The following FAM136A variants were observed in gnomAD, a reference collection of about 807,000 sequenced individuals.
FAM136A encodes TIM double twin CX3C motif chaperone.
A neutral mutation model predicts 21.6 loss-of-function variants in FAM136A; 25 were observed. The observed-to-expected ratio is 1.16, with a 90% CI of 0.84 to 1.62. The LOEUF is 1.62. Ranked by LOEUF, FAM136A falls within the 40% of genes most tolerant of loss-of-function variation. The pLI, the probability that FAM136A is intolerant of heterozygous loss-of-function variation, is 0.00. For synonymous variants in FAM136A, 119 were observed against 129.4 expected (o/e 0.92, Z 0.55); for missense variants, 338 against 332.0 (o/e 1.02, Z -0.14).
At chr2:70,301,321 G>A (rs1697391073) in intron 1 of FAM136A, 4 of 1,430,594 alleles carry the variant, frequency 2.8e-6, no homozygotes, top group Admixed American at 2.3e-5. Flanking sequence ...GGGTTCAGAG[G>A]TCAGCAACCT....
At chr2:70,301,518 T>G (rs1697397917) in intron 1 of FAM136A, 86 bp downstream of exon 1, 1 of 1,535,876 alleles carries the variant, frequency 6.5e-7, no homozygotes, top group Non-Finnish European at 8.7e-7. Flanking sequence ...GAAGCAGGCA[T>G]GACCTGGCCA....
At chr2:70,297,621 GTTTTTTTTTTTTTT>G (rs55803921) in intron 2 of FAM136A, 144 bp from the exon 3 acceptor site, 1 of 249,590 alleles carries the variant, frequency 4.0e-6, no homozygotes. Flanking sequence ...GATTGGCCAA[GTTTTTTTTTTTTTT>G]TTTTTTTTTG....
chr2:70,301,950 T>C lies in FAM136A; in HGVS notation c.62A>G (p.Glu21Gly). The change falls in exon 1 of 3, where the codon GAA becomes GGA. Residue 21 changes from glutamate to glycine, a missense_variant. Physicochemically the swap from Glu to Gly is moderately conservative, Grantham distance 98 (BLOSUM62 -2). Coordinates refer to ENST00000430566, the MANE Select transcript of FAM136A (RefSeq NM_001329752.2). The part of the protein sequence containing the change: ...EAVESMVKSL[E>G]RENIRKMQVA... ...CTGCATCTTCCGGATGTTCTCTCTTTCCAGACTCTTCACCATGGACTCCAC... is the reference window on the plus strand; with the variant it reads ...CTGCATCTTCCGGATGTTCTCTCTTCCCAGACTCTTCACCATGGACTCCAC... 1 of 1,609,194 alleles carries C rather than the reference T, an allele frequency of 6.2e-7. No individual in the cohort carries two copies. Among genetic ancestry groups the C allele is most frequent in the Non-Finnish European group, 8.5e-7 (1 of 1,178,884 alleles).
At chr2:70,301,526 C>T (rs1284201814) in intron 1 of FAM136A, 78 bp downstream of exon 1, 1 of 1,536,012 alleles carries the variant, frequency 6.5e-7, no homozygotes, top group East Asian at 2.4e-5. Context: ...CATGACCTGG[C>T]CAACGGGGAG....
Position 70,301,872 on chromosome 2 carries a change from C to T in FAM136A, c.140G>A (p.Gly47Asp), listed in dbSNP as rs1209963800. 6 of 1,563,126 alleles carry T rather than the reference C, an allele frequency of 3.8e-6. No individual in the cohort carries two copies. The highest frequency in any genetic ancestry group is 5.2e-6 in the Non-Finnish European group (6 of 1,154,130). Reference protein sequence around the residue: ...QDPLLSGWVPGPSLSHHATPC... With the variant: ...QDPLLSGWVPDPSLSHHATPC... ...CGTCGCGTGGTGGCTGAGGGAAGGG[C>T]CCGGAACCCACCCGCTGAGAAGGGG... The change falls in exon 1 of 3, where the codon GGC becomes GAC. Residue 47 changes from glycine to aspartate, a missense_variant. Physicochemically the swap from Gly to Asp is moderately conservative, Grantham distance 94. Coordinates refer to ENST00000430566, the MANE Select transcript of FAM136A (RefSeq NM_001329752.2).
chr2:70,301,303 C>T, intron 1 of FAM136A: 1 of 1,363,556 alleles, frequency 7.3e-7, no homozygotes, highest in Non-Finnish European at 9.7e-7. Context: ...CCAGGAGCCT[C>T]TTCCATGGGG....
intron 2 of FAM136A, among the ~76,000 whole-genome samples, chr2:70,298,178 C>T (rs1185851687): frequency 6.6e-6 from 1 of 152,042 alleles, no homozygotes; most frequent in East Asian, 1.9e-4. Context: ...CCACAACCTC[C>T]ACCTCCCGGG....
chr2:70,301,482 T>G lies in FAM136A; in HGVS notation c.408+122A>C, dbSNP rs746697815. 1.2e-5 allele frequency: 19 copies of G among 1,535,508 alleles called. No individual in the cohort carries two copies. In the East Asian group the frequency reaches 4.4e-4, roughly 36 times the overall value. ...AGAAGAACAGTGTAGAAACCCGCGCTGTGTGAAGCGAGGTTGGGCGCAAGA... is the reference window on the plus strand; with the variant it reads ...AGAAGAACAGTGTAGAAACCCGCGCGGTGTGAAGCGAGGTTGGGCGCAAGA... On this transcript the variant is annotated intron_variant, in intron 1 of 2. Coordinates refer to ENST00000430566, the MANE Select transcript of FAM136A (RefSeq NM_001329752.2).
At chr2:70,300,218 A>G (rs879911311) in intron 2 of FAM136A, among the ~76,000 whole-genome samples, 2 of 152,172 alleles carry the variant, frequency 1.3e-5, no homozygotes, top group Admixed American at 6.5e-5. Context: ...TATACTACAC[A>G]GTATACATTC....
chr2:70,297,190 T>C lies in FAM136A; in HGVS notation c.*99A>G, dbSNP rs1188947841. The stretch of plus-strand genomic sequence containing the variant: ...GCCTTACGCTTGTGGCCATCCTTCA[T>C]TTCTTCATTCGTAAACTTTGCTTAA... On this transcript the variant is annotated 3_prime_UTR_variant, in exon 3 of 3. Transcript: ENST00000430566. The C allele has an allele frequency of 7.8e-7, 1 of 1,283,074 alleles. No homozygotes were observed. Among genetic ancestry groups the C allele is most frequent in the East Asian group, 2.5e-5 (1 of 40,196 alleles). The allele number at this position is 1,283,074 out of a possible 1,614,324, so 79.5% of individuals were successfully genotyped here.
At position 70,301,903 on chromosome 2, in the gene FAM136A, G is replaced by C. The variant is rs200517892; in HGVS notation, c.109C>G (p.Gln37Glu). The C allele has an allele frequency of 1.3e-6, 2 of 1,598,038 alleles. No individual in the cohort carries two copies. Among genetic ancestry groups the C allele is most frequent in the East Asian group, 2.3e-5 (1 of 44,216 alleles). ...ACCCACCCGCTGAGAAGGGGGTCCT[G>C]GTTCGGCCCCAGCCCCGCTACCTGC... is the stretch of plus-strand genomic sequence containing the variant. ...KMQVAGLGPN[Q>E]DPLLSGWVPG... Residue 37 changes from glutamine (Q) to glutamate (E), a missense_variant, in exon 1 of 3, where the codon CAG becomes GAG. Coordinates refer to ENST00000430566, the MANE Select transcript of FAM136A (RefSeq NM_001329752.2).
rs781058037 is a variant in FAM136A, at chr2:70,301,982, C to G, written c.30G>C (p.Gln10His). The stretch of plus-strand genomic sequence containing the variant: ...TCTTCACCATGGACTCCACCGCCTC[C>G]TGCACCCGGAGCTGCTGCAGCTCAG... MAELQQLRV[Q>H]EAVESMVKSL... Residue 10 changes from glutamine to histidine, a missense_variant, in exon 1 of 3, where the codon CAG (glutamine) becomes CAC (histidine). Physicochemically the swap from Gln to His is conservative, Grantham distance 24. Transcript: ENST00000430566. 2.5e-5 allele frequency: 40 copies of G among 1,606,532 alleles called. No individual in the cohort carries two copies. Among genetic ancestry groups the G allele is most frequent in the Non-Finnish European group, 3.3e-5 (39 of 1,177,802 alleles).
rs886795258 is a variant in FAM136A, at chr2:70,301,615, G to A, written c.397C>T (p.Pro133Ser). Residue 133 changes from proline (P) to serine (S), a missense_variant, in exon 1 of 3, where the codon CCC becomes TCC. Pro to Ser is a moderately conservative substitution (Grantham distance 74). Transcript: ENST00000430566. Reference sequence around the variant, plus strand: ...CTCGGGCCGCTCACCTGCGGAAGGGGCCGCGTAAGAGGGGAAGGTGGTGGG... The same window carrying A: ...CTCGGGCCGCTCACCTGCGGAAGGGACCGCGTAAGAGGGGAAGGTGGTGGG... ...LAPPPSPLTR[P>S]LPQGLMFRCS... 17 of 1,535,860 alleles carry A rather than the reference G, an allele frequency of 1.1e-5. 1 individual carries two copies. In the African/African-American group the frequency reaches 2.1e-4, roughly 19 times the overall value.
At position 70,297,233 on chromosome 2, in the gene FAM136A, T is replaced by A; in HGVS notation, c.*56A>T. 6.5e-7 allele frequency: 1 copy of A among 1,548,412 alleles called. No homozygotes were observed. Among genetic ancestry groups the A allele is most frequent in the Non-Finnish European group, 8.7e-7 (1 of 1,144,812 alleles). On this transcript the variant is annotated 3_prime_UTR_variant, in exon 3 of 3. Coordinates refer to ENST00000430566, the MANE Select transcript of FAM136A (RefSeq NM_001329752.2). ...TTGCTTAAAAGACTAAAATTCCCAA[T>A]TCCTTATAAAAAATATATTCTTGCC...
chr2:70,300,616 C>T (rs748111655), intron 2 of FAM136A: 6 of 406,328 alleles, frequency 1.5e-5, no homozygotes, highest in South Asian at 4.2e-5. Flanking sequence ...TGAGCCTCCG[C>T]GCTCGGCCTA....
intron 2 of FAM136A, 144 bp from the exon 3 acceptor site, chr2:70,297,621 G>GTTTTTTTTTTTTTTTTTTTTTTTTTTT (rs55803921): frequency 8.5e-6 from 2 of 234,598 alleles, no homozygotes; most frequent in Non-Finnish European, 7.4e-6. Context: ...GATTGGCCAA[G>GTTTTTTTTTTTTTTTTTTTTTTTTTTT]TTTTTTTTTT....
intron 2 of FAM136A, 162 bp downstream of exon 2, chr2:70,300,678 C>A: frequency 2.4e-6 from 2 of 819,608 alleles, no homozygotes; most frequent in Middle Eastern, 4.1e-4. Context: ...ACCGCCAAGA[C>A]TTTTTCCAAA....
chr2:70,297,385 C>T lies in FAM136A; in HGVS notation c.642G>A (p.Leu214=). The T allele has an allele frequency of 1.9e-6, 3 of 1,613,892 alleles. No homozygotes were observed. The highest frequency in any genetic ancestry group is 2.5e-6 in the Non-Finnish European group (3 of 1,179,910). Residue 214 remains leucine (L), a synonymous_variant, in exon 3 of 3, where the codon CTG becomes CTA. Transcript: ENST00000430566. ...GSKELQVKQQ[L]DSCVTKCVDD... is the part of the protein sequence containing the mutation. Reference sequence around the variant, plus strand: ...CCACACACTTGGTCACACAACTGTCCAGCTGCTGCTTCACCTGAAGCTCCT... The same window carrying T: ...CCACACACTTGGTCACACAACTGTCTAGCTGCTGCTTCACCTGAAGCTCCT...
intron 2 of FAM136A, 74 bp downstream of exon 2, chr2:70,300,766 T>C (rs893440083): frequency 1.4e-6 from 2 of 1,474,450 alleles, no homozygotes; most frequent in African/African-American, 2.8e-5. Flanking sequence ...GCCAAGAGTT[T>C]TGAACAAATG....
Sources: allele counts gnomAD v4.1 joint callset (sites outside exome capture counted in the v4.1 genomes callset), GRCh38; gene constraint gnomAD v4.1.1; transcripts MANE v1.5; gene names NCBI Gene and HGNC (gene_info 2026-07-23, HGNC 2026-07-21).